The following CAMTA1 variants were observed in gnomAD, a reference collection of about 807,000 sequenced individuals.
CAMTA1 encodes calmodulin-binding transcription activator 1.
CAMTA1 carries 27 observed loss-of-function variants against 170.9 expected under a neutral mutation model. That is an observed-to-expected ratio of 0.16 (90% CI 0.12 to 0.22). The LOEUF (loss-of-function observed/expected upper bound fraction) is 0.22, where lower values mean the gene tolerates loss of function less well. CAMTA1 is among the 10% of genes least tolerant of loss of function. The pLI is 1.00. For synonymous variants in CAMTA1, 833 were observed against 891.5 expected, an observed-to-expected ratio of 0.93 and a Z score of 1.17; for missense variants, 1,619 against 2,217.2, an observed-to-expected ratio of 0.73 and a Z score of 5.42.
At chr1:7,103,416 GCACACACACCTA>G (rs1229463819) in intron 4 of CAMTA1, among the ~76,000 whole-genome samples, 1 of 38,112 alleles carries the variant, frequency 2.6e-5, no homozygotes, top group Non-Finnish European at 4.8e-5. Context: ...CACACACACA[GCACACACACCTA>G]CACACACTAC....
intron 4 of CAMTA1, among the ~76,000 whole-genome samples, chr1:7,118,471 AT>A (rs1276192782): frequency 6.7e-6 from 1 of 150,118 alleles, no homozygotes; most frequent in Non-Finnish European, 1.5e-5. Context: ...TAAAAAAAAA[AT>A]TTTTTTTTGG....
chr1:6,788,071 G>A (rs187087088), intron 1 of CAMTA1, among the ~76,000 whole-genome samples: 19 of 152,234 alleles, frequency 1.2e-4, no homozygotes, highest in Admixed American at 1.2e-3. Context: ...GAGAGGATGG[G>A]GAACGTTATT....
intron 3 of CAMTA1, among the ~76,000 whole-genome samples, chr1:6,828,890 GTTTTTTTT>G (rs1026284603): frequency 2.9e-5 from 3 of 101,996 alleles, no homozygotes; most frequent in South Asian, 3.3e-4. Flanking sequence ...CTGTAACGTA[GTTTTTTTT>G]TTTTTTTTTT....
chr1:7,312,645 A>T (rs184607946), intron 5 of CAMTA1, among the ~76,000 whole-genome samples: 202 of 152,218 alleles, frequency 1.3e-3, no homozygotes, highest in African/African-American at 4.7e-3. Context: ...GCTTCCATAT[A>T]CTTTTGCTCA....
At chr1:7,405,310 C>G (rs1347573208) in intron 5 of CAMTA1, among the ~76,000 whole-genome samples, 1 of 152,074 alleles carries the variant, frequency 6.6e-6, no homozygotes, top group Non-Finnish European at 1.5e-5. Context: ...ACTTCTCTCT[C>G]TCTGATTTCA....
chr1:7,644,136 G>A (rs1188602493), intron 7 of CAMTA1, among the ~76,000 whole-genome samples: 2 of 152,160 alleles, frequency 1.3e-5, no homozygotes, highest in African/African-American at 4.8e-5. Context: ...GAAGGGAGAT[G>A]GGTCTGCAGC....
intron 3 of CAMTA1, chr1:6,874,235 A>G (rs41278038): frequency 0.083 from 12,681 of 152,292 alleles, 734 homozygotes; most frequent in East Asian, 0.25. Flanking sequence ...CGGTGTGCTG[A>G]GAGGCAGTGG....
At chr1:7,095,144 C>G (rs537811347) in intron 4 of CAMTA1, among the ~76,000 whole-genome samples, 1 of 151,908 alleles carries the variant, frequency 6.6e-6, no homozygotes, top group Non-Finnish European at 1.5e-5. Flanking sequence ...TCGCAGTTGC[C>G]TTGCCTAATT....
In CAMTA1 at chr1:7,249,388, A is replaced by G; in HGVS notation, c.303-103A>G. The G allele has an allele frequency of 9.1e-7, 1 of 1,098,706 alleles. No homozygotes were observed. The highest frequency in any genetic ancestry group is 1.3e-6 in the Non-Finnish European group (1 of 767,554). The allele number at this position is 1,098,706 out of a possible 1,614,324, so 68.1% of individuals were successfully genotyped here. On this transcript the variant is annotated intron_variant, in intron 4 of 22. Coordinates refer to ENST00000303635, the MANE Select transcript of CAMTA1 (RefSeq NM_015215.4). This position sits in a 1 kb window ranked among gnomAD's most constrained non-coding sequence, Gnocchi z 4.4. ...AAAATTATGTTCCAGCAAATGTGGAATATTGCTTTTCTGTAGAGACTTTTA... is the reference window on the plus strand; with the variant it reads ...AAAATTATGTTCCAGCAAATGTGGAGTATTGCTTTTCTGTAGAGACTTTTA...
chr1:6,909,740 G>A (rs986214113), intron 3 of CAMTA1, among the ~76,000 whole-genome samples: 2 of 152,262 alleles, frequency 1.3e-5, no homozygotes, highest in African/African-American at 4.8e-5. Flanking sequence ...CTGATTCTGT[G>A]ACCTTGAGGA....
chr1:7,209,743 G>A (rs757500726), intron 4 of CAMTA1, among the ~76,000 whole-genome samples: 7 of 152,246 alleles, frequency 4.6e-5, no homozygotes, highest in South Asian at 2.1e-4. Context: ...AGAGATTTCC[G>A]AGTCAGTAGA....
intron 4 of CAMTA1, among the ~76,000 whole-genome samples, chr1:7,103,245 A>G (rs1237966099): frequency 3.9e-5 from 6 of 152,052 alleles, no homozygotes; most frequent in Non-Finnish European, 7.4e-5. Flanking sequence ...GTGAAAGTAG[A>G]AAGAACCCGG....
chr1:6,988,055 A>G (rs925257910), intron 3 of CAMTA1, among the ~76,000 whole-genome samples: 4 of 152,146 alleles, frequency 2.6e-5, no homozygotes, highest in Admixed American at 6.5e-5. Flanking sequence ...AATAAAATCA[A>G]TAGACCTGGG....
chr1:7,304,377 C>T (rs1040525596), intron 5 of CAMTA1, among the ~76,000 whole-genome samples: 1 of 152,148 alleles, frequency 6.6e-6, no homozygotes, highest in Non-Finnish European at 1.5e-5. Context: ...TTAATAATAT[C>T]TGACAATTAT....
intron 3 of CAMTA1, among the ~76,000 whole-genome samples, chr1:6,927,033 C>T (rs1384272719): frequency 1.3e-5 from 2 of 152,046 alleles, no homozygotes; most frequent in Non-Finnish European, 2.9e-5. Flanking sequence ...AGCCACTGCA[C>T]CTGGCCTCGG....
chr1:7,061,907 G>A (rs1288374904), intron 3 of CAMTA1, among the ~76,000 whole-genome samples: 1 of 152,030 alleles, frequency 6.6e-6, no homozygotes, highest in East Asian at 1.9e-4. Context: ...CGGTGTATGA[G>A]GTCCTATTAT....
chr1:7,540,894 C>T (rs1448900500), intron 6 of CAMTA1, among the ~76,000 whole-genome samples: 4 of 152,218 alleles, frequency 2.6e-5, no homozygotes, highest in Non-Finnish European at 5.9e-5. Context: ...ATTAGTTGCA[C>T]AAAGTTGCTG....
At chr1:7,529,964 C>A (rs1483446507) in intron 6 of CAMTA1, among the ~76,000 whole-genome samples, 3 of 152,224 alleles carry the variant, frequency 2.0e-5, no homozygotes, top group Non-Finnish European at 4.4e-5. Context: ...CTTGGAGGGG[C>A]ATCTGCTGCC....
rs573144429 is a variant in CAMTA1 at position 7,390,186 on chromosome 1, T to C, written c.439-77644T>C. Among the ~76,000 whole-genome samples, 5 of 152,290 alleles carry C rather than the reference T, an allele frequency of 3.3e-5. No individual in the cohort carries two copies. The South Asian group carries it at 1.0e-3, about 32-fold the overall frequency. ...ACCCTGGAGAAATTCAGCCAGGGCC[T>C]GGGCCTCTAGGAGCTGCCAAGCCTC... is the stretch of plus-strand genomic sequence containing the variant. On this transcript the variant is annotated intron_variant, in intron 5 of 22. Transcript: ENST00000303635.
Sources: allele counts gnomAD v4.1 joint callset (sites outside exome capture counted in the v4.1 genomes callset), GRCh38; gene constraint gnomAD v4.1.1; non-coding constraint Gnocchi (gnomAD v3.1); transcripts MANE v1.5; gene names NCBI Gene and HGNC (gene_info 2026-07-23, HGNC 2026-07-21).